NKAIN2: variants seen among roughly 807,000 people sequenced by gnomAD.
NKAIN2 encodes the protein sodium/potassium transporting ATPase interacting 2.
A neutral mutation model predicts 32.6 loss-of-function variants in NKAIN2; 14 were observed. That is an observed-to-expected ratio of 0.43 (90% CI 0.28 to 0.67). NKAIN2 has a LOEUF of 0.67. Ranked by LOEUF, NKAIN2 falls within the 30% of genes least tolerant of loss-of-function variation. NKAIN2 has a pLI of 0.17. For synonymous variants in NKAIN2, 80 were observed against 87.2 expected (o/e 0.92, Z 0.46); for missense variants, 198 against 258.3 (o/e 0.77, Z 1.60).
intron 4 of NKAIN2, among the ~76,000 whole-genome samples, chr6:124,710,539 G>A (rs1429415936): frequency 6.6e-6 from 1 of 152,262 alleles, no homozygotes; most frequent in Admixed American, 6.5e-5. Context: ...ATATATTTAG[G>A]TTAGTTAGCT....
intron 3 of NKAIN2, among the ~76,000 whole-genome samples, chr6:124,397,630 G>GA (rs953213967): frequency 4.1e-5 from 6 of 145,170 alleles, no homozygotes; most frequent in Non-Finnish European, 7.4e-5. Context: ...TTGAAATGTG[G>GA]AAAAAAAAGA....
intron 1 of NKAIN2, among the ~76,000 whole-genome samples, chr6:123,913,134 C>T (rs2114464667): frequency 1.3e-5 from 2 of 152,282 alleles, no homozygotes; most frequent in South Asian, 4.1e-4. Context: ...TTGAGGGAAC[C>T]TCCCATGTTC....
rs1291825104 is a variant in NKAIN2, at chr6:124,038,247, T to G, written c.54+233993T>G. On this transcript the variant is annotated intron_variant, in intron 1 of 6. Coordinates refer to ENST00000368417, the MANE Select transcript of NKAIN2 (RefSeq NM_001040214.3). ...GCAATTCAACTGATGTGAAAAGTTT[T>G]TTTTTTTTTGAGTCTCACTCTGTCA... Among the ~76,000 whole-genome samples the G allele has an allele frequency of 3.9e-5, 6 of 152,132 alleles. No homozygotes were observed. In the South Asian group the frequency reaches 8.3e-4, roughly 21 times the overall value.
At chr6:123,950,513 T>C (rs1439832622) in intron 1 of NKAIN2, among the ~76,000 whole-genome samples, 1 of 152,024 alleles carries the variant, frequency 6.6e-6, no homozygotes, top group Non-Finnish European at 1.5e-5. Flanking sequence ...AGGTTTTCTA[T>C]TTCTTTCTGA....
chr6:123,998,830 T>G (rs958273286), intron 1 of NKAIN2, among the ~76,000 whole-genome samples: 4 of 149,374 alleles, frequency 2.7e-5, no homozygotes, highest in Non-Finnish European at 4.4e-5. Flanking sequence ...TATATATATA[T>G]GGTGATGGTA....
chr6:124,480,973 T>G (rs938920874), intron 3 of NKAIN2, among the ~76,000 whole-genome samples: 1 of 152,044 alleles, frequency 6.6e-6, no homozygotes, highest in Non-Finnish European at 1.5e-5. Flanking sequence ...AAACTCTTAT[T>G]AGGAGTAACA....
chr6:124,186,871 A>T (rs1789769359), intron 1 of NKAIN2, among the ~76,000 whole-genome samples: 1 of 152,208 alleles, frequency 6.6e-6, no homozygotes, highest in Admixed American at 6.5e-5. Context: ...TTTCAGAATT[A>T]TTCTCTTAAA....
chr6:124,534,922 C>T (rs893855282), intron 3 of NKAIN2, among the ~76,000 whole-genome samples: 1 of 152,140 alleles, frequency 6.6e-6, no homozygotes, highest in African/African-American at 2.4e-5. Flanking sequence ...TCTATAAATG[C>T]TCAAGTCCCT....
intron 4 of NKAIN2, among the ~76,000 whole-genome samples, chr6:124,770,027 C>G (rs1299979332): frequency 6.6e-6 from 1 of 152,132 alleles, no homozygotes; most frequent in Non-Finnish European, 1.5e-5. Flanking sequence ...GTGGCCCTCT[C>G]TAGAGACAGA....
At chr6:124,611,202 C>T (rs960642451) in intron 3 of NKAIN2, among the ~76,000 whole-genome samples, 2 of 151,862 alleles carry the variant, frequency 1.3e-5, no homozygotes, top group Non-Finnish European at 2.9e-5. Context: ...TAGTCATCTT[C>T]TTTAGTGATG....
At chr6:124,783,164 C>T (rs981545236) in intron 4 of NKAIN2, among the ~76,000 whole-genome samples, 1 of 152,118 alleles carries the variant, frequency 6.6e-6, no homozygotes, top group Non-Finnish European at 1.5e-5. Context: ...ATGTTATTAG[C>T]CATCTTTCGT....
chr6:124,089,123 G>T (rs971567123), intron 1 of NKAIN2, among the ~76,000 whole-genome samples: 12 of 151,974 alleles, frequency 7.9e-5, no homozygotes, highest in Non-Finnish European at 5.9e-5. Context: ...GACAACTTGA[G>T]GGGAGAGACA....
At position 123,874,112 on chromosome 6, in the gene NKAIN2, C is replaced by A. The variant is rs1341789895; in HGVS notation, c.54+69858C>A. ...GAGACCATTACATCCCAGGTTTTAA[C>A]CCTGACCTGTCCTGTGGCTGTCAGA... On this transcript the variant is annotated intron_variant, in intron 1 of 6. Transcript: ENST00000368417. Among the ~76,000 whole-genome samples the A allele has an allele frequency of 3.9e-5, 6 of 152,116 alleles. No homozygotes were observed. The East Asian group carries it at 9.6e-4, about 24-fold the overall frequency.
chr6:124,075,032 T>G (rs17086573), intron 1 of NKAIN2, among the ~76,000 whole-genome samples: 8,512 of 152,238 alleles, frequency 0.056, 298 homozygotes, highest in East Asian at 0.15. Context: ...TTTTGACAAG[T>G]GTTACCACAG....
At chr6:124,263,699 T>C (rs2689898) in intron 1 of NKAIN2, among the ~76,000 whole-genome samples, 48,435 of 152,162 alleles carry the variant, frequency 0.32, 9,073 homozygotes, top group African/African-American at 0.51. Flanking sequence ...TATGCTACTA[T>C]AAATGTTTGT....
rs140802954 is a variant in NKAIN2, at chr6:123,942,657, C to T, written c.54+138403C>T. ...ACTTATTGCTGATATTTTTGTTGGC[C>T]AAAGCTGAAGGACATCTCAGGGTCT... On this transcript the variant is annotated intron_variant, in intron 1 of 6. Coordinates refer to ENST00000368417, the MANE Select transcript of NKAIN2 (RefSeq NM_001040214.3). 7.9e-5 allele frequency among the ~76,000 whole-genome samples: 12 copies of T among 151,996 alleles called. No individual in the cohort carries two copies. The East Asian group carries it at 2.1e-3, about 27-fold the overall frequency.
chr6:124,426,908 G>A (rs1327479794), intron 3 of NKAIN2, among the ~76,000 whole-genome samples: 15 of 152,116 alleles, frequency 9.9e-5, no homozygotes. Flanking sequence ...CATGTGAGAT[G>A]TACCTTTCAC....
chr6:123,919,404 AAGAC>A (rs1189953526), intron 1 of NKAIN2, among the ~76,000 whole-genome samples: 1 of 152,072 alleles, frequency 6.6e-6, no homozygotes, highest in Non-Finnish European at 1.5e-5. Context: ...CATTAATTGA[AAGAC>A]AGAAAAGAAA....
intron 4 of NKAIN2, among the ~76,000 whole-genome samples, chr6:124,783,693 C>T (rs902579207): frequency 1.3e-5 from 2 of 152,280 alleles, no homozygotes; most frequent in South Asian, 2.1e-4. Context: ...TAATAAAATA[C>T]TTCATATAAA....
Sources: gnomAD v4.1 joint callset for allele counts (sites outside exome capture counted in the v4.1 genomes callset) on GRCh38, gnomAD v4.1.1 for gene constraint, MANE v1.5 for transcripts, NCBI Gene and HGNC (gene_info 2026-07-23, HGNC 2026-07-21) for gene names.